Variants in BCKDHB observed in about 807,000 individuals in gnomAD.
BCKDHB encodes the protein branched chain keto acid dehydrogenase E1 subunit beta.
BCKDHB carries 41 observed loss-of-function variants against 48.5 expected under a neutral mutation model. The ratio of observed to expected loss-of-function variants is 0.85; its 90% CI spans 0.66 to 1.10. The LOEUF is 1.10. Ranked by LOEUF, BCKDHB falls within the 50% of genes least tolerant of loss-of-function variation. The pLI, the probability that BCKDHB is intolerant of heterozygous loss-of-function variation, is 0.00. For synonymous variants in BCKDHB, 201 were observed against 174.8 expected (o/e 1.15, Z -1.18); for missense variants, 496 against 494.2 (o/e 1.00, Z -0.03).
At chr6:80,353,190 A>G in the BCKDHB span, among the ~76,000 whole-genome samples, 1 of 152,166 alleles carries the variant, frequency 6.6e-6, no homozygotes, top group Non-Finnish European at 1.5e-5. Context: ...TGTTTTACTT[A>G]AGATAATGAC....
intron 8 of BCKDHB, among the ~76,000 whole-genome samples, chr6:80,248,197 C>G (rs749019530): frequency 6.6e-6 from 1 of 152,182 alleles, no homozygotes; most frequent in Non-Finnish European, 1.5e-5. Flanking sequence ...AAATTTTTCT[C>G]AGAGTCAGCA....
Position 80,129,258 on chromosome 6 carries a change from C to T in BCKDHB, c.343+29C>T, listed in dbSNP as rs760573116. 1.9e-5 allele frequency: 30 copies of T among 1,547,008 alleles called. No individual in the cohort carries two copies. The South Asian group carries it at 3.2e-4, about 16-fold the overall frequency. Reference sequence around the variant, plus strand: ...AGTAAATACCTATATGAATAGTATTCTGATAGAACTTTTACTAAAAGATCT... The same window carrying T: ...AGTAAATACCTATATGAATAGTATTTTGATAGAACTTTTACTAAAAGATCT... On this transcript the variant is annotated intron_variant, in intron 3 of 9. Coordinates refer to ENST00000320393, the MANE Select transcript of BCKDHB (RefSeq NM_183050.4).
intron 9 of BCKDHB, among the ~76,000 whole-genome samples, chr6:80,308,656 G>A (rs376431168): frequency 1.3e-5 from 2 of 150,084 alleles, no homozygotes; most frequent in Non-Finnish European, 3.0e-5. Flanking sequence ...GTGCAGTGGC[G>A]TGATCCCGGC....
chr6:80,383,390 CCATT>C, the BCKDHB span, among the ~76,000 whole-genome samples: 6 of 151,668 alleles, frequency 4.0e-5, no homozygotes, highest in Admixed American at 3.9e-4. Flanking sequence ...GTCTTTTTTG[CCATT>C]CAATTTATAA....
At chr6:80,159,326 A>G (rs933868560) in intron 3 of BCKDHB, among the ~76,000 whole-genome samples, 1 of 152,266 alleles carries the variant, frequency 6.6e-6, no homozygotes, top group African/African-American at 2.4e-5. Flanking sequence ...CTATCTTCTC[A>G]ACTAGTACAG....
chr6:80,353,381 C>A, the BCKDHB span, among the ~76,000 whole-genome samples: 1 of 152,104 alleles, frequency 6.6e-6, no homozygotes, highest in East Asian at 1.9e-4. Context: ...GATTTCTTTT[C>A]ATTTGCATAG....
intron 5 of BCKDHB, chr6:80,169,994 G>A: frequency 2.5e-6 from 3 of 1,191,086 alleles, no homozygotes; most frequent in Non-Finnish European, 3.2e-6. Context: ...TTTTCTGTCT[G>A]TCCCCTGCCT....
the BCKDHB span, among the ~76,000 whole-genome samples, chr6:80,446,303 A>G: frequency 2.0e-5 from 3 of 152,224 alleles, no homozygotes; most frequent in Non-Finnish European, 4.4e-5. Context: ...TGTACGCATG[A>G]GAGTGGTTAG....
intron 3 of BCKDHB, among the ~76,000 whole-genome samples, chr6:80,157,618 A>G (rs1049948660): frequency 6.6e-6 from 1 of 151,378 alleles, no homozygotes; most frequent in Non-Finnish European, 1.5e-5. Context: ...GGCATGTGCC[A>G]CCACACCTGG....
At chr6:80,119,840 G>A (rs905484181) in intron 1 of BCKDHB, among the ~76,000 whole-genome samples, 2 of 151,792 alleles carry the variant, frequency 1.3e-5, no homozygotes, top group African/African-American at 2.4e-5. Context: ...TAGCAGGCAT[G>A]AAAACAATGT....
At chr6:80,440,571 G>A in the BCKDHB span, among the ~76,000 whole-genome samples, 9 of 150,640 alleles carry the variant, frequency 6.0e-5, no homozygotes, top group African/African-American at 2.0e-4. Flanking sequence ...ACATGCCCAT[G>A]TTTGTTAACT....
chr6:80,270,323 G>A (rs1462581840), intron 8 of BCKDHB, among the ~76,000 whole-genome samples: 1 of 152,026 alleles, frequency 6.6e-6, no homozygotes, highest in Non-Finnish European at 1.5e-5. Flanking sequence ...TTTTTAAGAA[G>A]CAAAAATGAA....
chr6:80,461,908 A>C, the BCKDHB span, among the ~76,000 whole-genome samples: 1 of 152,096 alleles, frequency 6.6e-6, no homozygotes, highest in East Asian at 1.9e-4. Context: ...AGTTTAAAAG[A>C]CAGAGAAGAA....
chr6:80,153,315 C>A (rs1457861672), intron 3 of BCKDHB, among the ~76,000 whole-genome samples: 1 of 152,108 alleles, frequency 6.6e-6, no homozygotes, highest in South Asian at 2.1e-4. Context: ...CCTGTCACAG[C>A]CCCGCTGTCA....
intron 6 of BCKDHB, among the ~76,000 whole-genome samples, chr6:80,189,579 C>A (rs1328111375): frequency 6.6e-6 from 1 of 151,540 alleles, no homozygotes; most frequent in Admixed American, 6.6e-5. Context: ...ATATAATAAG[C>A]CCTTTAGGAG....
intron 9 of BCKDHB, among the ~76,000 whole-genome samples, chr6:80,331,040 G>C (rs552504623): frequency 3.0e-4 from 46 of 152,234 alleles, no homozygotes; most frequent in African/African-American, 1.1e-3. Context: ...TTGAAACTAG[G>C]TTATATTGTT....
intron 1 of BCKDHB, among the ~76,000 whole-genome samples, chr6:80,114,300 G>A (rs1401359286): frequency 6.6e-6 from 1 of 151,184 alleles, no homozygotes; most frequent in East Asian, 1.9e-4. Context: ...CTAGGCTGGA[G>A]TGCAGTGGCT....
At chr6:80,229,236 C>A (rs1241003406) in intron 8 of BCKDHB, among the ~76,000 whole-genome samples, 1 of 152,056 alleles carries the variant, frequency 6.6e-6, no homozygotes, top group Non-Finnish European at 1.5e-5. Flanking sequence ...TAAGTCAGAT[C>A]CCAATAAATT....
At chr6:80,394,723 A>G in the BCKDHB span, among the ~76,000 whole-genome samples, 1 of 152,158 alleles carries the variant, frequency 6.6e-6, no homozygotes, top group African/African-American at 2.4e-5. Context: ...CTTTTGGGCC[A>G]GTGTATTTCC....
Sources: allele counts gnomAD v4.1 joint callset (sites outside exome capture counted in the v4.1 genomes callset), GRCh38; gene constraint gnomAD v4.1.1; transcripts MANE v1.5; gene names NCBI Gene and HGNC (gene_info 2026-07-23, HGNC 2026-07-21).